The following CCDC148 variants were observed in gnomAD, a reference collection of about 807,000 sequenced individuals.
The protein encoded by CCDC148 is coiled-coil domain-containing protein 148.
CCDC148 carries 89 observed loss-of-function variants against 85.7 expected under a neutral mutation model. The observed-to-expected ratio is 1.04, with a 90% CI of 0.87 to 1.24. CCDC148 has a LOEUF of 1.24. Among genes scored for constraint, CCDC148 ranks in the 50% most tolerant of loss-of-function variants. The probability of loss-of-function intolerance (pLI) is 0.00; values close to 1 mark genes in which losing one functional copy is unlikely to be tolerated. For missense variants in CCDC148, 692 were observed against 671.7 expected (o/e 1.03, Z -0.33); for synonymous variants, 230 against 213.9 (o/e 1.08, Z -0.66).
chr2:158,241,106 T>C (rs554678134), intron 10 of CCDC148, among the ~76,000 whole-genome samples: 54 of 152,292 alleles, frequency 3.5e-4, no homozygotes, highest in African/African-American at 1.3e-3. Context: ...TAGGTTAATG[T>C]TAGGTTAGGT....
chr2:158,310,157 T>G (rs974942836), intron 8 of CCDC148, among the ~76,000 whole-genome samples: 5 of 152,160 alleles, frequency 3.3e-5, no homozygotes, highest in African/African-American at 1.2e-4. Context: ...AAGCATCTGT[T>G]TAACAAAGCA....
rs373825289 is a variant in CCDC148, at chr2:158,202,953, T to A, written c.1370+17642A>T. 2.2e-3 allele frequency among the ~76,000 whole-genome samples: 338 copies of A among 152,230 alleles called. 1 individual carries two copies. The highest frequency in any genetic ancestry group is 3.1e-3 in the African/African-American group (128 of 41,538). ...GGGCTCTCTTAGATGGTGTGACAGG[T>A]CTGAGCAGCACTATACTCTTAAGCC... is the stretch of plus-strand genomic sequence containing the variant. On this transcript the variant is annotated intron_variant, in intron 11 of 13. Coordinates refer to ENST00000283233, the MANE Select transcript of CCDC148 (RefSeq NM_138803.4).
chr2:158,176,782 G>T, intron 12 of CCDC148, 121 bp from the exon 13 acceptor site: 1 of 1,106,962 alleles, frequency 9.0e-7, no homozygotes, highest in Non-Finnish European at 1.3e-6. Context: ...AGCCTGAGAG[G>T]AAAGGGCAGA....
chr2:158,437,216 C>G (rs192692227), intron 1 of CCDC148, among the ~76,000 whole-genome samples: 7,135 of 152,196 alleles, frequency 0.047, 251 homozygotes, highest in Non-Finnish European at 0.063. Context: ...AACATTGATG[C>G]AAAAATCCTC....
At chr2:158,276,444 C>A (rs1251662164) in intron 9 of CCDC148, among the ~76,000 whole-genome samples, 3 of 150,894 alleles carry the variant, frequency 2.0e-5, no homozygotes, top group African/African-American at 4.9e-5. Context: ...AAAACAAAAA[C>A]AAAAACAAAA....
In CCDC148 at chr2:158,430,898, C is replaced by G. The variant is rs912937187; in HGVS notation, c.25+25517G>C. On this transcript the variant is annotated intron_variant, in intron 1 of 13. Coordinates refer to ENST00000283233, the MANE Select transcript of CCDC148 (RefSeq NM_138803.4). ...TAAACATAATAAAAAATGAAAGAGA[C>G]AAATAAAATTTCTAGAGCTGAAAAA... is the stretch of plus-strand genomic sequence containing the variant. 2.6e-5 allele frequency among the ~76,000 whole-genome samples: 4 copies of G among 151,392 alleles called. No homozygotes were observed. The South Asian group carries it at 8.3e-4, about 32-fold the overall frequency.
At chr2:158,237,033 T>C (rs1285157134) in intron 10 of CCDC148, among the ~76,000 whole-genome samples, 1 of 152,066 alleles carries the variant, frequency 6.6e-6, no homozygotes, top group Non-Finnish European at 1.5e-5. Flanking sequence ...TAAGATGACA[T>C]TTGTGCAGGA....
At chr2:158,194,431 T>C (rs57204498) in intron 11 of CCDC148, among the ~76,000 whole-genome samples, 2,412 of 152,274 alleles carry the variant, frequency 0.016, 64 homozygotes, top group African/African-American at 0.054. Context: ...AGGGTGTTTC[T>C]AGACCTGTCT....
chr2:158,396,032 A>T (rs1685507975), intron 1 of CCDC148, among the ~76,000 whole-genome samples: 1 of 152,110 alleles, frequency 6.6e-6, no homozygotes, highest in Non-Finnish European at 1.5e-5. Flanking sequence ...CTACTGGCCA[A>T]TACGGAAGAT....
intron 1 of CCDC148, among the ~76,000 whole-genome samples, chr2:158,391,270 C>T (rs1685296754): frequency 1.3e-5 from 2 of 152,016 alleles, no homozygotes. Context: ...TATTTGTGCT[C>T]AAAATGGATA....
chr2:158,335,351 C>T (rs1298858269), intron 7 of CCDC148, among the ~76,000 whole-genome samples: 2 of 152,204 alleles, frequency 1.3e-5, no homozygotes, highest in Non-Finnish European at 2.9e-5. Context: ...TTGCTTCCTC[C>T]ATCAATCCTC....
At chr2:158,204,524 A>G (rs1410758446) in intron 11 of CCDC148, among the ~76,000 whole-genome samples, 1 of 152,188 alleles carries the variant, frequency 6.6e-6, no homozygotes, top group Non-Finnish European at 1.5e-5. Context: ...TATGCTTTGA[A>G]GAAGCCGAGC....
chr2:158,363,639 A>C (rs1404970193), intron 1 of CCDC148, among the ~76,000 whole-genome samples: 1 of 152,170 alleles, frequency 6.6e-6, no homozygotes, highest in East Asian at 1.9e-4. Context: ...ACTCTCAATA[A>C]ACTAGATATT....
intron 10 of CCDC148, among the ~76,000 whole-genome samples, chr2:158,230,634 A>T (rs1687809750): frequency 7.9e-6 from 1 of 126,618 alleles, no homozygotes; most frequent in African/African-American, 2.6e-5. Flanking sequence ...GACTAAAGCA[A>T]ATAGTAGCAT....
chr2:158,416,848 C>T (rs1358148695), intron 1 of CCDC148, among the ~76,000 whole-genome samples: 1 of 152,152 alleles, frequency 6.6e-6, no homozygotes, highest in African/African-American at 2.4e-5. Flanking sequence ...TCTCACATTG[C>T]TATAAAGAAC....
chr2:158,430,114 A>T (rs1333040238), intron 1 of CCDC148, among the ~76,000 whole-genome samples: 1 of 152,220 alleles, frequency 6.6e-6, no homozygotes, highest in Non-Finnish European at 1.5e-5. Context: ...TGGAACAGGA[A>T]GATAAAAGGC....
rs985021989 is a variant in CCDC148, at chr2:158,271,364, T to C, written c.1111-20452A>G. On this transcript the variant is annotated intron_variant, in intron 9 of 13. Coordinates refer to ENST00000283233, the MANE Select transcript of CCDC148 (RefSeq NM_138803.4). ...GGTTAGAAACATATTAAATGGAAAA[T>C]TTCAAAAATAAAACATTCATAAATT... Among the ~76,000 whole-genome samples, 6 of 152,278 alleles carry C rather than the reference T, an allele frequency of 3.9e-5. No homozygotes were observed. In the South Asian group the frequency reaches 8.3e-4, roughly 21 times the overall value.
Position 158,358,118 on chromosome 2 carries a change from A to T in CCDC148, c.147+331T>A, listed in dbSNP as rs1683754469. Among the ~76,000 whole-genome samples the T allele has an allele frequency of 2.0e-5, 3 of 152,314 alleles. No individual in the cohort carries two copies. In the South Asian group the frequency reaches 6.2e-4, roughly 32 times the overall value. ...AGGAGCCTTAATCAGATAATAGTCC[A>T]TGGCTGGTAATTACTAACAATTTTT... On this transcript the variant is annotated intron_variant, in intron 2 of 13. Transcript: ENST00000283233.
At chr2:158,327,829 T>C (rs1015608510) in intron 7 of CCDC148, among the ~76,000 whole-genome samples, 3 of 152,134 alleles carry the variant, frequency 2.0e-5, no homozygotes, top group Admixed American at 2.0e-4. Flanking sequence ...ATTTGAAATT[T>C]TTTTCCTATA....
Sources: allele counts gnomAD v4.1 joint callset (sites outside exome capture counted in the v4.1 genomes callset), GRCh38; gene constraint gnomAD v4.1.1; transcripts MANE v1.5; gene names NCBI Gene and HGNC (gene_info 2026-07-23, HGNC 2026-07-21).